DENND4C: variants seen among roughly 807,000 people sequenced by gnomAD.
DENND4C encodes DENN domain containing 4C, also known as DENN domain-containing protein 4C.
DENND4C carries 108 observed loss-of-function variants against 203.0 expected under a neutral mutation model. The ratio of observed to expected loss-of-function variants is 0.53; its 90% CI spans 0.46 to 0.62. The LOEUF is 0.62. DENND4C is among the 20% of genes least tolerant of loss of function. The probability of loss-of-function intolerance (pLI) is 0.00; values close to 1 mark genes in which losing one functional copy is unlikely to be tolerated. For synonymous variants in DENND4C, 871 were observed against 792.4 expected (o/e 1.10, Z -1.67); for missense variants, 2,481 against 2,301.2 (o/e 1.08, Z -1.60).
Position 19,297,387 on chromosome 9 carries a change from G to A in DENND4C, c.1041-669G>A, listed in dbSNP as rs1226957540. 2.6e-5 allele frequency among the ~76,000 whole-genome samples: 4 copies of A among 152,130 alleles called. 1 individual carries two copies. Among genetic ancestry groups the A allele is most frequent in the Non-Finnish European group, 5.9e-5 (4 of 67,992 alleles). ...GTTGCAACTTTCATTTTGTACTCTT[G>A]AAATGGCAGTTTAATGATTTATAGT... On this transcript the variant is annotated intron_variant, in intron 6 of 32. Coordinates refer to ENST00000434457, the MANE Select transcript of DENND4C (RefSeq NM_001330640.2).
At position 19,290,796 on chromosome 9, in the gene DENND4C, A is replaced by G. The variant is rs41269019; in HGVS notation, c.721A>G (p.Ile241Val). Reference sequence around the variant, plus strand: ...TTTCTGCCTTCCTATGGGAGCTACTATTGAGTGCTGGGATCCTGAAACCAA... The same window carrying G: ...TTTCTGCCTTCCTATGGGAGCTACTGTTGAGTGCTGGGATCCTGAAACCAA... ...PLFCLPMGAT[I>V]ECWDPETKYP... Residue 241 changes from isoleucine to valine, a missense_variant, in exon 5 of 33, where the codon ATT becomes GTT. This residue lies in a region of DENND4C where 2,289 missense variants were observed against 2,113.3 expected (regional missense o/e 1.08). Transcript: ENST00000434457. 34 of 1,612,418 alleles carry G rather than the reference A, an allele frequency of 2.1e-5. No individual in the cohort carries two copies. Among genetic ancestry groups the G allele is most frequent in the South Asian group, 1.7e-4 (15 of 90,862 alleles).
At chr9:19,355,974 A>G (rs891863477) in intron 26 of DENND4C, among the ~76,000 whole-genome samples, 7 of 152,072 alleles carry the variant, frequency 4.6e-5, no homozygotes, top group African/African-American at 1.7e-4. Flanking sequence ...TTTTTAAGCT[A>G]TCGTGACAAG....
intron 1 of DENND4C, among the ~76,000 whole-genome samples, chr9:19,231,191 G>T (rs1820450173): frequency 1.3e-5 from 2 of 152,244 alleles, no homozygotes; most frequent in Admixed American, 6.5e-5. Flanking sequence ...TTTGGTGGGG[G>T]CCGGGGTGCG....
chr9:19,266,182 T>A (rs924559951), intron 1 of DENND4C, among the ~76,000 whole-genome samples: 6 of 152,342 alleles, frequency 3.9e-5, no homozygotes, highest in African/African-American at 1.2e-4. Flanking sequence ...ATTGTGGTTT[T>A]GATTTGCATT....
Position 19,360,406 on chromosome 9 carries a change from G to A in DENND4C, c.5323G>A (p.Val1775Ile), listed in dbSNP as rs375445031. 17 of 1,613,910 alleles carry A rather than the reference G, an allele frequency of 1.1e-5. No individual in the cohort carries two copies. Among genetic ancestry groups the A allele is most frequent in the South Asian group, 6.6e-5 (6 of 91,084 alleles). ...ACATCCAATCATTTTCTGGAACCTCGTTTGGTATTTCAGACGTTTGGACCT... is the reference window on the plus strand; with the variant it reads ...ACATCCAATCATTTTCTGGAACCTCATTTGGTATTTCAGACGTTTGGACCT... ...NQHPIIFWNL[V>I]WYFRRLDLPS... The change falls in exon 29 of 33, where the codon GTT becomes ATT. Residue 1775 changes from valine to isoleucine, a missense_variant. Val to Ile is a conservative substitution (Grantham distance 29). Around this residue, in one of 3 missense-constraint regions of DENND4C, gnomAD observed 2,289 missense variants for 2,113.3 expected, o/e 1.08. Coordinates refer to ENST00000434457, the MANE Select transcript of DENND4C (RefSeq NM_001330640.2).
At chr9:19,287,381 T>C (rs1394217996) in intron 3 of DENND4C, among the ~76,000 whole-genome samples, 1 of 152,152 alleles carries the variant, frequency 6.6e-6, no homozygotes, top group East Asian at 1.9e-4. Flanking sequence ...ATTTGTTTGC[T>C]TTTTTTATTT....
intron 20 of DENND4C, among the ~76,000 whole-genome samples, chr9:19,340,045 A>G (rs962811133): frequency 3.3e-5 from 5 of 152,168 alleles, no homozygotes; most frequent in South Asian, 2.1e-4. Flanking sequence ...TTTTTGGCAC[A>G]ACAGAATGTT....
At chr9:19,325,010 C>A (rs1490360048) in intron 13 of DENND4C, among the ~76,000 whole-genome samples, 1 of 152,138 alleles carries the variant, frequency 6.6e-6, no homozygotes, top group African/African-American at 2.4e-5. Context: ...AGCCGCCATG[C>A]CCAGCCAGTA....
intron 1 of DENND4C, among the ~76,000 whole-genome samples, chr9:19,264,425 G>T (rs1830063791): frequency 6.6e-6 from 1 of 151,972 alleles, no homozygotes; most frequent in Admixed American, 6.6e-5. Context: ...TCCTGCCTCA[G>T]CCTCTTAAAT....
chr9:19,308,007 T>G (rs1243769441), intron 10 of DENND4C, among the ~76,000 whole-genome samples: 2 of 152,090 alleles, frequency 1.3e-5, no homozygotes, highest in East Asian at 1.9e-4. Context: ...CTTATAAATT[T>G]TTTTCTACTT....
intron 1 of DENND4C, among the ~76,000 whole-genome samples, chr9:19,271,896 A>G (rs1831773394): frequency 6.6e-6 from 1 of 151,794 alleles, no homozygotes; most frequent in Non-Finnish European, 1.5e-5. Context: ...AGAGAAAAGA[A>G]AACAGAGAAA....
At chr9:19,344,874 G>C (rs934834843) in intron 22 of DENND4C, among the ~76,000 whole-genome samples, 1 of 152,160 alleles carries the variant, frequency 6.6e-6, no homozygotes, top group Non-Finnish European at 1.5e-5. Flanking sequence ...AAAGTCCAGG[G>C]TTAGGGTGTT....
At chr9:19,245,271 A>G (rs1291774671) in intron 1 of DENND4C, among the ~76,000 whole-genome samples, 1 of 151,242 alleles carries the variant, frequency 6.6e-6, no homozygotes, top group Non-Finnish European at 1.5e-5. Flanking sequence ...GATCGAGACC[A>G]TCCTGGCTAA....
intron 2 of DENND4C, among the ~76,000 whole-genome samples, chr9:19,285,897 A>G (rs549581571): frequency 6.6e-6 from 1 of 152,112 alleles, no homozygotes; most frequent in Non-Finnish European, 1.5e-5. Flanking sequence ...TGGACACTCC[A>G]TTTTATTCTG....
chr9:19,248,819 A>G (rs1263812960), intron 1 of DENND4C, among the ~76,000 whole-genome samples: 1 of 146,530 alleles, frequency 6.8e-6, no homozygotes, highest in African/African-American at 2.5e-5. Context: ...TTTTTTTGAG[A>G]CCAAGTCTTG....
At chr9:19,243,027 G>A (rs561661857) in intron 1 of DENND4C, among the ~76,000 whole-genome samples, 1 of 152,148 alleles carries the variant, frequency 6.6e-6, no homozygotes, top group South Asian at 2.1e-4. Context: ...ATTTAAAGGG[G>A]GGTATCTTGA....
intron 10 of DENND4C, among the ~76,000 whole-genome samples, chr9:19,309,019 T>C (rs1314920901): frequency 6.6e-6 from 1 of 152,214 alleles, no homozygotes; most frequent in African/African-American, 2.4e-5. Context: ...CAGACAAATC[T>C]CTAGAGGTAG....
chr9:19,330,420 A>G (rs532335115), intron 16 of DENND4C, among the ~76,000 whole-genome samples: 10 of 144,850 alleles, frequency 6.9e-5, no homozygotes, highest in African/African-American at 2.6e-4. Flanking sequence ...GCTCACTGCA[A>G]CCTCTGCCTC....
rs138169500 is a variant in DENND4C, at chr9:19,352,060, T to G, written c.4496-13T>G. 64 of 1,597,204 alleles carry G rather than the reference T, an allele frequency of 4.0e-5. 1 individual carries two copies. In the African/African-American group the frequency reaches 6.7e-4, roughly 17 times the overall value. ...TCCTTACTTAAGGTATTACGATGTA[T>G]ATTCCTTTGTAGGTGAAGTTCCATT... On this transcript the variant is annotated splice_polypyrimidine_tract_variant and intron_variant, in intron 24 of 32. Transcript: ENST00000434457.
Sources: gnomAD v4.1 joint callset for allele counts (sites outside exome capture counted in the v4.1 genomes callset) on GRCh38, gnomAD v4.1.1 for gene constraint, gnomAD v4.1.1 regional missense constraint, MANE v1.5 for transcripts, NCBI Gene and HGNC (gene_info 2026-07-23, HGNC 2026-07-21) for gene names.